The following GPC5 variants were observed in gnomAD, a reference collection of about 807,000 sequenced individuals.
The protein encoded by GPC5 is glypican-5.
GPC5 carries 47 observed loss-of-function variants against 53.9 expected under a neutral mutation model. The ratio of observed to expected loss-of-function variants is 0.87; its 90% CI spans 0.69 to 1.11. The LOEUF is 1.11. Among genes scored for constraint, GPC5 ranks in the 50% most tolerant of loss-of-function variants. The pLI, the probability that GPC5 is intolerant of heterozygous loss-of-function variation, is 0.00. For missense variants in GPC5, 748 were observed against 713.1 expected, an observed-to-expected ratio of 1.05 and a Z score of -0.56; for synonymous variants, 286 against 263.3, an observed-to-expected ratio of 1.09 and a Z score of -0.84.
At chr13:92,700,529 C>T (rs1887700064) in intron 7 of GPC5, among the ~76,000 whole-genome samples, 1 of 152,056 alleles carries the variant, frequency 6.6e-6, no homozygotes, top group Non-Finnish European at 1.5e-5. Flanking sequence ...GCAGTTTCTT[C>T]ATAGCATCAA....
chr13:92,119,666 C>T lies in GPC5; in HGVS notation c.1402-25164C>T, dbSNP rs149137375. Among the ~76,000 whole-genome samples the T allele has an allele frequency of 6.5e-4, 97 of 149,452 alleles. 1 individual carries two copies. The East Asian group carries it at 0.01, about 16-fold the overall frequency. On this transcript the variant is annotated intron_variant, in intron 6 of 7. Coordinates refer to ENST00000377067, the MANE Select transcript of GPC5 (RefSeq NM_004466.6). ...CGATCTCCTGACCTCGTGATCCGCC[C>T]GCTTCGGCCTCCCAAAGTGCTGGGA...
chr13:92,650,799 T>C (rs1885932494), intron 7 of GPC5, among the ~76,000 whole-genome samples: 1 of 152,190 alleles, frequency 6.6e-6, no homozygotes, highest in Non-Finnish European at 1.5e-5. Flanking sequence ...TTATTAATTT[T>C]TTAAAATTTT....
intron 6 of GPC5, among the ~76,000 whole-genome samples, chr13:91,975,664 C>A (rs1159021053): frequency 6.6e-6 from 1 of 152,176 alleles, no homozygotes; most frequent in African/African-American, 2.4e-5. Flanking sequence ...CACTTTTACA[C>A]TGTTGGTGGG....
At position 92,625,934 on chromosome 13, in the gene GPC5, C is replaced by T. The variant is rs564398612; in HGVS notation, c.1562-240348C>T. 3.3e-5 allele frequency among the ~76,000 whole-genome samples: 5 copies of T among 152,256 alleles called. No homozygotes were observed. The East Asian group carries it at 5.8e-4, about 18-fold the overall frequency. On this transcript the variant is annotated intron_variant, in intron 7 of 7. Transcript: ENST00000377067. Reference sequence around the variant, plus strand: ...ACTGTCTCCTTGTTCATTGTGTCCTCACTATGTAACTTTTTCAGGAGCCTG... The same window carrying T: ...ACTGTCTCCTTGTTCATTGTGTCCTTACTATGTAACTTTTTCAGGAGCCTG...
Position 92,209,825 on chromosome 13 carries a change from A to G in GPC5, c.1561+64836A>G, listed in dbSNP as rs749471533. Among the ~76,000 whole-genome samples, 12 of 152,272 alleles carry G rather than the reference A, an allele frequency of 7.9e-5. No individual in the cohort carries two copies. In the South Asian group the frequency reaches 1.9e-3, roughly 24 times the overall value. ...ATATATAAAGGGGAGTTTATTAAGG[A>G]ATATTGACTCACACGATTACAAGGT... On this transcript the variant is annotated intron_variant, in intron 7 of 7. Transcript: ENST00000377067.
chr13:92,531,617 G>A (rs1355995108), intron 7 of GPC5, among the ~76,000 whole-genome samples: 1 of 152,048 alleles, frequency 6.6e-6, no homozygotes, highest in Non-Finnish European at 1.5e-5. Flanking sequence ...CCAGAAATGA[G>A]TTCCCCACAC....
chr13:92,096,820 T>C (rs1430511750), intron 6 of GPC5, among the ~76,000 whole-genome samples: 1 of 152,202 alleles, frequency 6.6e-6, no homozygotes, highest in Non-Finnish European at 1.5e-5. Flanking sequence ...GAGTCTAGTA[T>C]CTGAAAGTAA....
chr13:91,952,366 T>G (rs1190227118), intron 6 of GPC5, among the ~76,000 whole-genome samples: 2 of 152,140 alleles, frequency 1.3e-5, no homozygotes, highest in East Asian at 3.8e-4. Flanking sequence ...ATGTACCTGT[T>G]TACCCTGCAA....
At chr13:91,895,644 T>A (rs1432107076) in intron 5 of GPC5, among the ~76,000 whole-genome samples, 1 of 151,962 alleles carries the variant, frequency 6.6e-6, no homozygotes, top group South Asian at 2.1e-4. Flanking sequence ...CTTTCTTTTT[T>A]TTTTTTTCTT....
At chr13:92,347,626 C>G (rs1238235424) in intron 7 of GPC5, among the ~76,000 whole-genome samples, 3 of 150,542 alleles carry the variant, frequency 2.0e-5, no homozygotes, top group Non-Finnish European at 4.4e-5. Context: ...AAAGCAGAGC[C>G]ATATTCAGAA....
intron 7 of GPC5, among the ~76,000 whole-genome samples, chr13:92,756,435 C>G (rs1387156700): frequency 1.3e-5 from 2 of 151,312 alleles, no homozygotes; most frequent in Non-Finnish European, 3.0e-5. Context: ...CAGGGATGCC[C>G]TCTCTCACCA....
At chr13:92,085,356 G>A (rs890443013) in intron 6 of GPC5, among the ~76,000 whole-genome samples, 1 of 152,196 alleles carries the variant, frequency 6.6e-6, no homozygotes, top group African/African-American at 2.4e-5. Flanking sequence ...TATGGATACT[G>A]TGAATGATTT....
intron 7 of GPC5, among the ~76,000 whole-genome samples, chr13:92,798,286 A>G (rs767988182): frequency 6.6e-6 from 1 of 151,916 alleles, no homozygotes; most frequent in Non-Finnish European, 1.5e-5. Flanking sequence ...GTTATGCAGC[A>G]CAAGATGATA....
Position 91,822,966 on chromosome 13 carries a change from T to G in GPC5, c.1280+66546T>G, listed in dbSNP as rs148416095. Among the ~76,000 whole-genome samples the G allele has an allele frequency of 1.3e-3, 196 of 152,246 alleles. 5 individuals carry two copies. The East Asian group carries it at 0.033, about 26-fold the overall frequency. On this transcript the variant is annotated intron_variant, in intron 5 of 7. Transcript: ENST00000377067. Reference sequence around the variant, plus strand: ...TGTGAATTTTGCTTAGTTTCATTAGTGATTATAAGCATCTCATAATCATTT... The same window carrying G: ...TGTGAATTTTGCTTAGTTTCATTAGGGATTATAAGCATCTCATAATCATTT...
intron 7 of GPC5, among the ~76,000 whole-genome samples, chr13:92,522,774 TA>T (rs1389775607): frequency 6.6e-6 from 1 of 151,902 alleles, no homozygotes; most frequent in Non-Finnish European, 1.5e-5. Context: ...TAATAAAAAA[TA>T]GTTGAAAATA....
At chr13:92,706,482 G>C (rs992293883) in intron 7 of GPC5, among the ~76,000 whole-genome samples, 1 of 151,952 alleles carries the variant, frequency 6.6e-6, no homozygotes, top group African/African-American at 2.4e-5. Context: ...GGAAAATGAA[G>C]GTGAAACAAA....
chr13:92,615,844 G>A (rs1478581919), intron 7 of GPC5, among the ~76,000 whole-genome samples: 2 of 152,064 alleles, frequency 1.3e-5, no homozygotes, highest in Admixed American at 1.3e-4. Flanking sequence ...CACGAGGTCA[G>A]GAGATCGAGA....
chr13:92,538,310 C>A (rs758219518), intron 7 of GPC5, among the ~76,000 whole-genome samples: 115 of 151,382 alleles, frequency 7.6e-4, no homozygotes, highest in Admixed American at 2.0e-3. Context: ...TCTTTCCTTC[C>A]TTTTATCTAT....
Position 92,001,802 on chromosome 13 carries a change from A to G in GPC5, c.1401+93745A>G, listed in dbSNP as rs149457892. On this transcript the variant is annotated intron_variant, in intron 6 of 7. Transcript: ENST00000377067. ...TTCTTATTGCAATAAAGAGCACTTG[A>G]GAGAAGCATATTAGATACAACAAAA... is the stretch of plus-strand genomic sequence containing the variant. Among the ~76,000 whole-genome samples the G allele has an allele frequency of 2.3e-3, 351 of 152,340 alleles. 4 individuals are homozygous for G. Among genetic ancestry groups the G allele is most frequent in the Non-Finnish European group, 8.8e-4 (60 of 68,030 alleles).
Sources: gnomAD v4.1 joint callset for allele counts (sites outside exome capture counted in the v4.1 genomes callset) on GRCh38, gnomAD v4.1.1 for gene constraint, MANE v1.5 for transcripts, NCBI Gene and HGNC (gene_info 2026-07-23, HGNC 2026-07-21) for gene names.